Variants in MMP26 observed in about 807,000 individuals in gnomAD.
MMP26 encodes the protein matrix metalloproteinase-26.
MMP26 carries 33 observed loss-of-function variants against 31.0 expected under a neutral mutation model. The ratio of observed to expected loss-of-function variants is 1.06; its 90% confidence interval spans 0.81 to 1.42. The LOEUF (loss-of-function observed/expected upper bound fraction) is 1.42. MMP26 is among the 40% of genes most tolerant of loss of function. The pLI is 0.00. For synonymous variants in MMP26, 122 were observed against 114.9 expected, an observed-to-expected ratio of 1.06 and a Z score of -0.40; for missense variants, 347 against 316.1, an observed-to-expected ratio of 1.10 and a Z score of -0.74.
chr11:4,901,729 T>G (rs1274873894), intron 2 of MMP26, among the ~76,000 whole-genome samples: 1 of 152,300 alleles, frequency 6.6e-6, no homozygotes, highest in East Asian at 1.9e-4. Flanking sequence ...ATTCCTACTT[T>G]TTTGTATGGG....
At chr11:4,839,824 C>G (rs1012283578) in intron 2 of MMP26, among the ~76,000 whole-genome samples, 3 of 151,842 alleles carry the variant, frequency 2.0e-5, no homozygotes, top group Admixed American at 1.3e-4. Context: ...AGGACTTTCT[C>G]TTGCACCGTA....
chr11:4,743,741 A>G (rs74636500), intron 1 of MMP26, among the ~76,000 whole-genome samples: 1,890 of 152,316 alleles, frequency 0.012, 27 homozygotes, highest in African/African-American at 0.043. Flanking sequence ...ATTCTGCTTA[A>G]ATAATCACAT....
At chr11:4,898,961 A>C (rs190790705) in intron 2 of MMP26, among the ~76,000 whole-genome samples, 1 of 152,130 alleles carries the variant, frequency 6.6e-6, no homozygotes, top group African/African-American at 2.4e-5. Context: ...GTAGCAATTG[A>C]GGCCTCTGTC....
chr11:4,816,852 C>A (rs544191487), intron 2 of MMP26, among the ~76,000 whole-genome samples: 1 of 146,692 alleles, frequency 6.8e-6, no homozygotes, highest in Non-Finnish European at 1.5e-5. Flanking sequence ...TACAGGCGCC[C>A]GCCACCACGC....
chr11:4,943,212 C>A, intron 2 of MMP26: 1 of 184,550 alleles, frequency 5.4e-6, no homozygotes, highest in Non-Finnish European at 1.1e-5. Context: ...AATAAGAAGA[C>A]TTACTAGAAT....
chr11:4,986,577 C>T (rs1280018918), intron 2 of MMP26, among the ~76,000 whole-genome samples: 1 of 124,066 alleles, frequency 8.1e-6, no homozygotes, highest in Non-Finnish European at 1.6e-5. Context: ...GTTTCCCAGG[C>T]TGGAGTGCAG....
intron 1 of MMP26, among the ~76,000 whole-genome samples, chr11:4,732,526 G>C (rs1370181512): frequency 7.1e-6 from 1 of 140,530 alleles, no homozygotes; most frequent in African/African-American, 2.7e-5. Flanking sequence ...CTGGGCAAAA[G>C]AGCGAGACTC....
chr11:4,921,152 T>C (rs1466283094), intron 2 of MMP26, among the ~76,000 whole-genome samples: 1 of 152,220 alleles, frequency 6.6e-6, no homozygotes, highest in African/African-American at 2.4e-5. Context: ...AGGACTTTTA[T>C]ATTCTTGTGA....
chr11:4,848,333 T>C (rs777151206), intron 2 of MMP26: 2 of 1,614,024 alleles, frequency 1.2e-6, no homozygotes, highest in Non-Finnish European at 1.7e-6. Context: ...GGTTTATCAA[T>C]GGAGGAAGAA....
At chr11:4,839,556 C>T (rs1001622117) in intron 2 of MMP26, among the ~76,000 whole-genome samples, 8 of 151,750 alleles carry the variant, frequency 5.3e-5, no homozygotes, top group African/African-American at 1.7e-4. Context: ...CAGAACCTAG[C>T]TACCAGATGG....
At chr11:4,753,172 C>T (rs1326386796) in intron 1 of MMP26, among the ~76,000 whole-genome samples, 1 of 152,098 alleles carries the variant, frequency 6.6e-6, no homozygotes, top group African/African-American at 2.4e-5. Context: ...TGGCCAGCAT[C>T]CCAGAAGACC....
intron 2 of MMP26, among the ~76,000 whole-genome samples, chr11:4,898,397 T>G (rs1377345837): frequency 6.6e-6 from 1 of 152,082 alleles, no homozygotes; most frequent in Non-Finnish European, 1.5e-5. Flanking sequence ...TGTTAATTTC[T>G]TTGTGTTTAT....
At chr11:4,807,585 G>T (rs1012882778) in intron 2 of MMP26, among the ~76,000 whole-genome samples, 1 of 149,344 alleles carries the variant, frequency 6.7e-6, no homozygotes, top group Non-Finnish European at 1.5e-5. Context: ...CATGGATACA[G>T]GGTGGGGAAC....
At chr11:4,866,507 T>C (rs1399254342) in intron 2 of MMP26, among the ~76,000 whole-genome samples, 2 of 152,110 alleles carry the variant, frequency 1.3e-5, no homozygotes, top group South Asian at 2.1e-4. Flanking sequence ...GGTCATACTG[T>C]CCAAAGCAAT....
At chr11:4,772,928 A>G (rs948976215) in intron 2 of MMP26, among the ~76,000 whole-genome samples, 1 of 152,176 alleles carries the variant, frequency 6.6e-6, no homozygotes, top group Admixed American at 6.5e-5. Context: ...AGTAATTTTA[A>G]TGGCTGAAAG....
intron 2 of MMP26, among the ~76,000 whole-genome samples, chr11:4,927,220 C>G (rs776912369): frequency 2.6e-5 from 4 of 152,158 alleles, no homozygotes; most frequent in Non-Finnish European, 5.9e-5. Flanking sequence ...CAGCATCTGT[C>G]TTTATGACAG....
At chr11:4,796,705 G>A (rs1849112093) in intron 2 of MMP26, among the ~76,000 whole-genome samples, 1 of 152,086 alleles carries the variant, frequency 6.6e-6, no homozygotes, top group Non-Finnish European at 1.5e-5. Flanking sequence ...GGGAAGGGTG[G>A]GAATTTCTCC....
chr11:4,758,169 C>T (rs1848528117), intron 1 of MMP26, among the ~76,000 whole-genome samples: 1 of 151,662 alleles, frequency 6.6e-6, no homozygotes, highest in South Asian at 2.1e-4. Flanking sequence ...AGCTATTCAG[C>T]AAAAAGGAAA....
At chr11:4,792,609 C>T (rs917229026) in intron 2 of MMP26, among the ~76,000 whole-genome samples, 1 of 152,128 alleles carries the variant, frequency 6.6e-6, no homozygotes, top group African/African-American at 2.4e-5. Flanking sequence ...CAGTAGAATG[C>T]ACTACTTATC....
Sources: allele counts gnomAD v4.1 joint callset (sites outside exome capture counted in the v4.1 genomes callset), GRCh38; gene constraint gnomAD v4.1.1; transcripts MANE v1.5; gene names NCBI Gene and HGNC (gene_info 2026-07-23, HGNC 2026-07-21).